The following TP63 variants were observed in gnomAD, a reference collection of about 807,000 sequenced individuals.
TP63 encodes tumor protein p63.
In TP63, 17 loss-of-function variants were observed where a neutral mutation model predicts 82.8. The observed-to-expected ratio is 0.21, with a 90% CI of 0.14 to 0.31. The LOEUF (loss-of-function observed/expected upper bound fraction) is 0.31, where lower values mean the gene tolerates loss of function less well. Among genes scored for constraint, TP63 ranks in the 10% least tolerant of loss-of-function variants. TP63 has a pLI of 1.00. For missense variants in TP63, 648 were observed against 895.3 expected, an observed-to-expected ratio of 0.72 and a Z score of 3.52; for synonymous variants, 330 against 321.7, an observed-to-expected ratio of 1.03 and a Z score of -0.28.
At chr3:189,612,159 AT>A in the TP63 span, among the ~76,000 whole-genome samples, 1 of 151,986 alleles carries the variant, frequency 6.6e-6, no homozygotes, top group Non-Finnish European at 1.5e-5. Context: ...GGGTTCAGAA[AT>A]TCTCTTGAGG....
At chr3:189,599,983 T>G in the TP63 span, among the ~76,000 whole-genome samples, 4 of 152,212 alleles carry the variant, frequency 2.6e-5, no homozygotes, top group African/African-American at 9.6e-5. Flanking sequence ...CAAGAATAAA[T>G]TTTTGTATTT....
intron 10 of TP63, among the ~76,000 whole-genome samples, chr3:189,884,183 C>T (rs890652651): frequency 6.6e-6 from 1 of 152,210 alleles, no homozygotes; most frequent in African/African-American, 2.4e-5. Flanking sequence ...AATCTCCTTA[C>T]TGCCTTGCCC....
chr3:189,823,500 G>T (rs887635734), intron 4 of TP63, among the ~76,000 whole-genome samples: 3 of 152,170 alleles, frequency 2.0e-5, no homozygotes, highest in Non-Finnish European at 4.4e-5. Flanking sequence ...CGGTGATGTG[G>T]CTCACTCACC....
intron 1 of TP63, among the ~76,000 whole-genome samples, chr3:189,683,512 A>T (rs576593558): frequency 2.0e-5 from 3 of 152,350 alleles, no homozygotes; most frequent in African/African-American, 7.2e-5. Flanking sequence ...CTCAGTTGCT[A>T]AAATACAAGA....
chr3:189,706,574 T>G (rs1718217939), intron 1 of TP63, among the ~76,000 whole-genome samples: 1 of 152,204 alleles, frequency 6.6e-6, no homozygotes. Flanking sequence ...TTCTTAATTC[T>G]GTTTTTTCCC....
intron 3 of TP63, among the ~76,000 whole-genome samples, chr3:189,783,598 A>G (rs918931897): frequency 1.3e-5 from 2 of 151,962 alleles, no homozygotes; most frequent in Non-Finnish European, 2.9e-5. Context: ...CTTGATGAAT[A>G]TGTTAAAGGT....
chr3:189,791,268 G>C (rs1276988699), intron 3 of TP63, among the ~76,000 whole-genome samples: 1 of 152,080 alleles, frequency 6.6e-6, no homozygotes, highest in South Asian at 2.1e-4. Context: ...CTAGGATCTT[G>C]TAAGTCAAAT....
chr3:189,616,852 G>T, the TP63 span, among the ~76,000 whole-genome samples: 10,220 of 152,200 alleles, frequency 0.067, 439 homozygotes, highest in Middle Eastern at 0.2. Flanking sequence ...CTGAATATCA[G>T]AGCTTGCATT....
intron 1 of TP63, among the ~76,000 whole-genome samples, chr3:189,662,344 GTTGT>G (rs1713958626): frequency 6.6e-6 from 1 of 151,986 alleles, no homozygotes; most frequent in African/African-American, 2.4e-5. Flanking sequence ...TCAGTAGCAA[GTTGT>G]TTAATTTCCA....
At chr3:189,790,583 A>AT (rs944809345) in intron 3 of TP63, among the ~76,000 whole-genome samples, 13 of 132,252 alleles carry the variant, frequency 9.8e-5, no homozygotes, top group Middle Eastern at 4.0e-3. Context: ...GTGCAAAGGG[A>AT]TAAAAAAAAA....
intron 10 of TP63, chr3:189,873,243 A>C (rs887474213): frequency 1.8e-6 from 1 of 567,982 alleles, no homozygotes; most frequent in Non-Finnish European, 3.2e-6. Context: ...AATTACAAAG[A>C]AACTCACACT....
intron 3 of TP63, among the ~76,000 whole-genome samples, chr3:189,755,488 C>T (rs1722123046): frequency 6.6e-6 from 1 of 151,984 alleles, no homozygotes; most frequent in Admixed American, 6.6e-5. Context: ...ATACTTCTTT[C>T]ATTCTATAGC....
chr3:189,659,769 A>G (rs761763110), intron 1 of TP63, among the ~76,000 whole-genome samples: 13 of 152,086 alleles, frequency 8.5e-5, no homozygotes, highest in Non-Finnish European at 1.9e-4. Context: ...ATGGCATCTC[A>G]TTGTGGTTTT....
At chr3:189,807,899 C>T (rs1254886113) in intron 3 of TP63, among the ~76,000 whole-genome samples, 1 of 152,176 alleles carries the variant, frequency 6.6e-6, no homozygotes, top group Non-Finnish European at 1.5e-5. Context: ...GCCCCAACCC[C>T]CACCAACAAC....
chr3:189,827,756 G>A (rs1399356082), intron 4 of TP63, among the ~76,000 whole-genome samples: 1 of 152,226 alleles, frequency 6.6e-6, no homozygotes, highest in Non-Finnish European at 1.5e-5. Context: ...CACAGAGCCA[G>A]ATTGAGATGG....
chr3:189,760,464 A>G (rs1722484670), intron 3 of TP63, among the ~76,000 whole-genome samples: 1 of 152,216 alleles, frequency 6.6e-6, no homozygotes, highest in African/African-American at 2.4e-5. Context: ...CAAATCTTCA[A>G]GCTCCAAAAT....
intron 3 of TP63, among the ~76,000 whole-genome samples, chr3:189,765,202 T>C (rs955853439): frequency 3.0e-4 from 45 of 151,150 alleles, no homozygotes; most frequent in African/African-American, 1.0e-3. Context: ...AGCTGCTTGA[T>C]GAGATTTTAT....
At chr3:189,764,581 T>C (rs1722801751) in intron 3 of TP63, among the ~76,000 whole-genome samples, 1 of 152,212 alleles carries the variant, frequency 6.6e-6, no homozygotes, top group African/African-American at 2.4e-5. Flanking sequence ...AGGAGTATAT[T>C]GTCTGCAGTG....
intron 1 of TP63, among the ~76,000 whole-genome samples, chr3:189,719,938 T>C (rs962103816): frequency 2.0e-5 from 3 of 152,218 alleles, no homozygotes; most frequent in African/African-American, 7.2e-5. Context: ...TTTTTATTCA[T>C]TTAATCTCAT....
Sources: gnomAD v4.1 joint callset for allele counts (sites outside exome capture counted in the v4.1 genomes callset) on GRCh38, gnomAD v4.1.1 for gene constraint, MANE v1.5 for transcripts, NCBI Gene and HGNC (gene_info 2026-07-23, HGNC 2026-07-21) for gene names.